RPTOR: variants seen among roughly 807,000 people sequenced by gnomAD.
RPTOR encodes the protein regulatory-associated protein of mTOR.
RPTOR carries 21 observed loss-of-function variants against 169.9 expected under a neutral mutation model. The observed-to-expected ratio is 0.12, with a 90% CI of 0.09 to 0.18. The LOEUF is 0.18. RPTOR is among the 10% of genes least tolerant of loss of function. The probability of loss-of-function intolerance (pLI) is 1.00; values close to 1 mark genes in which losing one functional copy is unlikely to be tolerated. For synonymous variants in RPTOR, 732 were observed against 753.2 expected, an observed-to-expected ratio of 0.97 and a Z score of 0.46; for missense variants, 1,133 against 1,855.9, an observed-to-expected ratio of 0.61 and a Z score of 7.16.
At chr17:80,685,648 T>TA (rs1346159033) in intron 3 of RPTOR, among the ~76,000 whole-genome samples, 26 of 116,318 alleles carry the variant, frequency 2.2e-4, no homozygotes, top group East Asian at 5.1e-4. Context: ...TTTTTTTTTT[T>TA]TTTTTTTTTG....
At chr17:80,705,180 T>C (rs2066133348) in intron 3 of RPTOR, among the ~76,000 whole-genome samples, 1 of 152,266 alleles carries the variant, frequency 6.6e-6, no homozygotes, top group African/African-American at 2.4e-5. Context: ...ACATCCTTCA[T>C]AGATGAAAAT....
chr17:80,878,219 A>G lies in RPTOR; in HGVS notation c.1510-2196A>G, dbSNP rs888150130. On this transcript the variant is annotated intron_variant, in intron 13 of 33. Transcript: ENST00000306801. This position sits in a 1 kb window ranked among gnomAD's most constrained non-coding sequence, Gnocchi z 4.1. The stretch of plus-strand genomic sequence containing the variant: ...GTCTGTCACTGCTCAGTTTCTAGGT[A>G]TTGATCCTAGAAACCCATGCTCTGT... 6.6e-6 allele frequency among the ~76,000 whole-genome samples: 1 copy of G among 152,180 alleles called. No individual in the cohort carries two copies. The highest frequency in any genetic ancestry group is 1.5e-5 in the Non-Finnish European group (1 of 68,022).
At chr17:80,799,726 G>A (rs993686965) in intron 7 of RPTOR, among the ~76,000 whole-genome samples, 14 of 150,756 alleles carry the variant, frequency 9.3e-5, no homozygotes, top group Non-Finnish European at 4.4e-5. Context: ...CCTCCCTGGC[G>A]GCCGCCCTGC....
At chr17:80,700,697 ATGGTGGTGGTGATGGTGG>A (rs2066086549) in intron 3 of RPTOR, among the ~76,000 whole-genome samples, 1 of 23,056 alleles carries the variant, frequency 4.3e-5, no homozygotes, top group African/African-American at 1.4e-4. Context: ...GGTGATGGTG[ATGGTGGTGGTGATGGTGG>A]TGGTGGTGGT....
intron 27 of RPTOR, among the ~76,000 whole-genome samples, chr17:80,948,310 C>T (rs2069127579): frequency 6.6e-6 from 1 of 152,268 alleles, no homozygotes; most frequent in South Asian, 2.1e-4. Context: ...TGTCCTCGTG[C>T]AGCCCCTCCT....
chr17:80,951,611 G>A (rs1027292159), intron 28 of RPTOR, among the ~76,000 whole-genome samples: 8 of 152,244 alleles, frequency 5.3e-5, no homozygotes, highest in East Asian at 1.9e-4. Context: ...GGCAGCAGGC[G>A]GGTGTGTCAC....
At chr17:80,773,973 G>A in intron 6 of RPTOR, 1 of 985,434 alleles carries the variant, frequency 1.0e-6, no homozygotes, top group Non-Finnish European at 1.2e-6. Context: ...TCCTGACAAA[G>A]GCCCTCTTCT....
At chr17:80,883,745 G>A (rs780370115) in intron 15 of RPTOR, 36 bp from the exon 16 acceptor site, 1 of 1,609,708 alleles carries the variant, frequency 6.2e-7, no homozygotes, top group Non-Finnish European at 8.5e-7. Flanking sequence ...CCATTGGCAG[G>A]CAGAGGCCAA....
At chr17:80,834,765 C>T (rs965193502) in intron 9 of RPTOR, among the ~76,000 whole-genome samples, 1 of 152,176 alleles carries the variant, frequency 6.6e-6, no homozygotes, top group African/African-American at 2.4e-5. Context: ...TGCGAATAGG[C>T]TTTCCGGGAG....
chr17:80,831,799 G>GTGTATCCCTGTGTGTCACCA (rs142233822), intron 9 of RPTOR, among the ~76,000 whole-genome samples: 3 of 150,956 alleles, frequency 2.0e-5, no homozygotes, highest in South Asian at 4.2e-4. Flanking sequence ...GTGTGTCACC[G>GTGTATCCCTGTGTGTCACCA]TGTATCCCTG....
At chr17:80,592,881 C>A (rs1221774601) in intron 1 of RPTOR, among the ~76,000 whole-genome samples, 1 of 152,150 alleles carries the variant, frequency 6.6e-6, no homozygotes, top group Non-Finnish European at 1.5e-5. Flanking sequence ...TGGATCTGCA[C>A]TGATGGCGGG....
At chr17:80,710,260 G>T (rs1350766125) in intron 4 of RPTOR, among the ~76,000 whole-genome samples, 1 of 152,090 alleles carries the variant, frequency 6.6e-6, no homozygotes, top group African/African-American at 2.4e-5. Flanking sequence ...CTCCCAAAGT[G>T]CTGGGATTAC....
At chr17:80,944,830 A>G (rs2069078413) in intron 25 of RPTOR, among the ~76,000 whole-genome samples, 1 of 152,130 alleles carries the variant, frequency 6.6e-6, no homozygotes, top group African/African-American at 2.4e-5. Context: ...GTCTCTACTA[A>G]AAATACAAAA....
intron 6 of RPTOR, among the ~76,000 whole-genome samples, chr17:80,782,002 G>T (rs1297304042): frequency 2.6e-5 from 4 of 152,354 alleles, no homozygotes; most frequent in Middle Eastern, 3.4e-3. Flanking sequence ...CCTCGGTTTT[G>T]TCCCTGTCAC....
intron 5 of RPTOR, among the ~76,000 whole-genome samples, chr17:80,753,632 CAAAAAAAAAAAA>C (rs35693819): frequency 1.1e-5 from 1 of 94,994 alleles, no homozygotes; most frequent in African/African-American, 4.5e-5. Flanking sequence ...AACTCCGTCT[CAAAAAAAAAAAA>C]AAAAAAAAGA....
intron 21 of RPTOR, among the ~76,000 whole-genome samples, chr17:80,911,570 G>T (rs776789554): frequency 6.6e-6 from 1 of 152,270 alleles, no homozygotes; most frequent in Non-Finnish European, 1.5e-5. Flanking sequence ...GATCACTTGA[G>T]CCCAGGTGTT....
rs747386007 is a variant in RPTOR, at chr17:80,633,235, C to T, written c.265+7442C>T. On this transcript the variant is annotated intron_variant, in intron 2 of 33. Transcript: ENST00000306801. This position sits in a 1 kb window ranked among gnomAD's most constrained non-coding sequence, Gnocchi z 4.1. ...TCCTTAGTGTGTAATTCCTGCCAGC[C>T]GGGAGTTTCTCTTTCCAGATGACAA... Among the ~76,000 whole-genome samples the T allele has an allele frequency of 5.4e-4, 83 of 152,338 alleles. No homozygotes were observed. The highest frequency in any genetic ancestry group is 1.1e-3 in the Non-Finnish European group (73 of 68,028).
intron 13 of RPTOR, among the ~76,000 whole-genome samples, chr17:80,879,751 G>A (rs964214918): frequency 3.9e-5 from 6 of 152,174 alleles, no homozygotes; most frequent in African/African-American, 7.2e-5. Context: ...AGGTCCTCAC[G>A]ACTGAGGCGA....
intron 27 of RPTOR, 102 bp from the exon 28 acceptor site, chr17:80,949,341 A>G (rs1232793446): frequency 3.0e-6 from 3 of 993,064 alleles, no homozygotes; most frequent in African/African-American, 3.2e-5. Context: ...GCCCAGGGTC[A>G]CTGCAGCACG....
Sources: allele counts gnomAD v4.1 joint callset (sites outside exome capture counted in the v4.1 genomes callset), GRCh38; gene constraint gnomAD v4.1.1; non-coding constraint Gnocchi (gnomAD v3.1); transcripts MANE v1.5; gene names NCBI Gene and HGNC (gene_info 2026-07-23, HGNC 2026-07-21).